CSMD1: variants seen among roughly 807,000 people sequenced by gnomAD.
CSMD1 encodes CUB and sushi domain-containing protein 1.
CSMD1 carries 213 observed loss-of-function variants against 417.5 expected under a neutral mutation model. That is an observed-to-expected ratio of 0.51 (90% CI 0.46 to 0.57). The LOEUF (loss-of-function observed/expected upper bound fraction) is 0.57. Among genes scored for constraint, CSMD1 ranks in the 20% least tolerant of loss-of-function variants. CSMD1 has a pLI of 0.00. For missense variants in CSMD1, 6,923 were observed against 4,529.7 expected, an observed-to-expected ratio of 1.53 and a Z score of -15.17; for synonymous variants, 2,862 against 1,736.8, an observed-to-expected ratio of 1.65 and a Z score of -16.11.
intron 3 of CSMD1, among the ~76,000 whole-genome samples, chr8:4,415,726 A>G (rs937397893): frequency 1.3e-5 from 2 of 152,228 alleles, no homozygotes; most frequent in Non-Finnish European, 2.9e-5. Context: ...GAAATGAATG[A>G]GCAAATCTGT....
chr8:3,468,247 A>G (rs1816892114), intron 12 of CSMD1, among the ~76,000 whole-genome samples: 1 of 152,240 alleles, frequency 6.6e-6, no homozygotes, highest in South Asian at 2.1e-4. Flanking sequence ...TATAACTTGT[A>G]AAGTTGTAAA....
chr8:3,639,542 A>G (rs1213629149), intron 7 of CSMD1, among the ~76,000 whole-genome samples: 2 of 152,276 alleles, frequency 1.3e-5, no homozygotes, highest in East Asian at 3.9e-4. Context: ...GATGGATCAG[A>G]AGACCTGACT....
At position 4,379,908 on chromosome 8, in the gene CSMD1, C is replaced by T. The variant is rs150272867; in HGVS notation, c.415+40045G>A. Among the ~76,000 whole-genome samples, 516 of 152,294 alleles carry T rather than the reference C, an allele frequency of 3.4e-3. 5 individuals carry two copies. The highest frequency in any genetic ancestry group is 0.011 in the African/African-American group (467 of 41,566). Reference sequence around the variant, plus strand: ...TGGAAGCCGTGTTCCACACACTGGACGTGAACTCCATGAGCGCGGCCAGCA... The same window carrying T: ...TGGAAGCCGTGTTCCACACACTGGATGTGAACTCCATGAGCGCGGCCAGCA... On this transcript the variant is annotated intron_variant, in intron 3 of 69. Coordinates refer to ENST00000635120, the MANE Select transcript of CSMD1 (RefSeq NM_033225.6).
chr8:3,942,284 C>A (rs552145700), intron 5 of CSMD1, among the ~76,000 whole-genome samples: 1 of 152,078 alleles, frequency 6.6e-6, no homozygotes. Flanking sequence ...GCGCTTGAAT[C>A]ATCCTGAAAC....
intron 1 of CSMD1, among the ~76,000 whole-genome samples, chr8:4,855,689 T>C (rs548307938): frequency 5.9e-5 from 9 of 151,738 alleles, no homozygotes; most frequent in South Asian, 4.2e-4. Context: ...ATGAATGAAA[T>C]GAAGCGAGAA....
At position 3,528,789 on chromosome 8, in the gene CSMD1, G is replaced by C. The variant is rs546279053; in HGVS notation, c.1345-35063C>G. Among the ~76,000 whole-genome samples the C allele has an allele frequency of 3.3e-5, 5 of 152,218 alleles. No homozygotes were observed. The South Asian group carries it at 1.0e-3, about 32-fold the overall frequency. On this transcript the variant is annotated intron_variant, in intron 10 of 69. Coordinates refer to ENST00000635120, the MANE Select transcript of CSMD1 (RefSeq NM_033225.6). Reference sequence around the variant, plus strand: ...CTGCAAAACTGAAGGTTGACAGACAGAAAACACCTGGATAAAATTATTACT... The same window carrying C: ...CTGCAAAACTGAAGGTTGACAGACACAAAACACCTGGATAAAATTATTACT...
rs138584753 is a variant in CSMD1, at chr8:4,282,792, C to G, written c.415+137161G>C. Among the ~76,000 whole-genome samples, 36 of 152,224 alleles carry G rather than the reference C, an allele frequency of 2.4e-4. 1 individual carries two copies. Among genetic ancestry groups the G allele is most frequent in the Admixed American group, 2.6e-4 (4 of 15,288 alleles). ...TTGAGAGCTTTTTATAGTAATTACA[C>G]TTCATAATGGAGTCGGGTATATATC... On this transcript the variant is annotated intron_variant, in intron 3 of 69. Coordinates refer to ENST00000635120, the MANE Select transcript of CSMD1 (RefSeq NM_033225.6).
At chr8:4,195,125 A>G (rs1799255839) in intron 3 of CSMD1, among the ~76,000 whole-genome samples, 1 of 152,228 alleles carries the variant, frequency 6.6e-6, no homozygotes, top group Admixed American at 6.5e-5. Flanking sequence ...AACATTTTAA[A>G]GGAAAAATTC....
intron 3 of CSMD1, among the ~76,000 whole-genome samples, chr8:4,375,974 C>T (rs905638415): frequency 3.3e-5 from 5 of 152,150 alleles, no homozygotes; most frequent in African/African-American, 1.2e-4. Flanking sequence ...GCCAATGCTG[C>T]TTATCCCACT....
At chr8:3,845,414 A>G (rs1356269341) in intron 5 of CSMD1, among the ~76,000 whole-genome samples, 1 of 152,190 alleles carries the variant, frequency 6.6e-6, no homozygotes, top group East Asian at 1.9e-4. Flanking sequence ...TTACACAGTG[A>G]TAGATATCTA....
At chr8:3,188,392 C>T (rs1263967253) in intron 35 of CSMD1, among the ~76,000 whole-genome samples, 7 of 144,554 alleles carry the variant, frequency 4.8e-5, no homozygotes, top group Admixed American at 7.5e-5. Context: ...CTGCAACCTC[C>T]GCCTCCCAGG....
At chr8:4,231,885 C>A (rs1212153344) in intron 3 of CSMD1, among the ~76,000 whole-genome samples, 1 of 152,170 alleles carries the variant, frequency 6.6e-6, no homozygotes, top group Admixed American at 6.5e-5. Flanking sequence ...ACTCCTAATA[C>A]TTGTGTTTTA....
intron 11 of CSMD1, among the ~76,000 whole-genome samples, chr8:3,489,584 T>G (rs1325245034): frequency 6.6e-6 from 1 of 152,174 alleles, no homozygotes; most frequent in Non-Finnish European, 1.5e-5. Flanking sequence ...TACTTAACTT[T>G]CTTTTAAGCC....
chr8:3,167,273 G>C (rs189554794), intron 37 of CSMD1, among the ~76,000 whole-genome samples: 1 of 130,156 alleles, frequency 7.7e-6, no homozygotes, highest in Non-Finnish European at 1.6e-5. Flanking sequence ...GACAGAGCAA[G>C]ACTCCAACTT....
At chr8:3,276,466 G>C (rs112257999) in intron 26 of CSMD1, among the ~76,000 whole-genome samples, 103 of 152,274 alleles carry the variant, frequency 6.8e-4, no homozygotes, top group African/African-American at 2.4e-3. Flanking sequence ...GAGAGAGCTT[G>C]TGCAGGGAAA....
intron 10 of CSMD1, among the ~76,000 whole-genome samples, chr8:3,528,756 T>C (rs948551419): frequency 6.6e-6 from 1 of 152,210 alleles, no homozygotes; most frequent in African/African-American, 2.4e-5. Context: ...GCTGAGACTA[T>C]TAATTTCCTG....
chr8:4,991,102 C>T (rs1345652272), intron 1 of CSMD1, among the ~76,000 whole-genome samples: 1 of 152,050 alleles, frequency 6.6e-6, no homozygotes, highest in Non-Finnish European at 1.5e-5. Flanking sequence ...CTCATGGCTG[C>T]ACATATGCAA....
At chr8:4,063,316 AT>A (rs1563073608) in intron 3 of CSMD1, among the ~76,000 whole-genome samples, 2 of 152,146 alleles carry the variant, frequency 1.3e-5, no homozygotes, top group African/African-American at 4.8e-5. Context: ...AATGTAAAAA[AT>A]AATTTAAAGA....
At chr8:3,873,980 T>A (rs1033272195) in intron 5 of CSMD1, among the ~76,000 whole-genome samples, 1 of 152,288 alleles carries the variant, frequency 6.6e-6, no homozygotes, top group African/African-American at 2.4e-5. Context: ...GTTGGTGACA[T>A]AGGTCTGTTT....
Sources: gnomAD v4.1 joint callset for allele counts (sites outside exome capture counted in the v4.1 genomes callset) on GRCh38, gnomAD v4.1.1 for gene constraint, MANE v1.5 for transcripts, NCBI Gene and HGNC (gene_info 2026-07-23, HGNC 2026-07-21) for gene names.